Variants in SRCAP observed in about 807,000 individuals in gnomAD.
SRCAP encodes the protein chromatin remodeling protein SRCAP.
In SRCAP, 46 loss-of-function variants were observed where a neutral mutation model predicts 263.1. That is an observed-to-expected ratio of 0.17 (90% confidence interval 0.14 to 0.22). SRCAP has a LOEUF of 0.22. Among genes scored for constraint, SRCAP ranks in the 10% least tolerant of loss-of-function variants. SRCAP has a pLI of 1.00. For synonymous variants in SRCAP, 1,813 were observed against 1,662.1 expected (o/e 1.09, Z -2.21); for missense variants, 3,695 against 4,181.9 (o/e 0.88, Z 3.21).
At position 30,735,641 on chromosome 16, in the gene SRCAP, C is replaced by T. The variant is rs1452454609; in HGVS notation, c.6730-559C>T. 1.1e-4 allele frequency among the ~76,000 whole-genome samples: 14 copies of T among 122,616 alleles called. No individual in the cohort carries two copies. The East Asian group carries it at 2.5e-3, about 22-fold the overall frequency. 80.4% of individuals were successfully genotyped at this position (122,616 alleles called of 152,430 possible). ...TTTCGCCCAGGCTAGAGTGCAGTGG[C>T]GCGATCTCGGCTCACTACAGCCTCC... On this transcript the variant is annotated intron_variant, in intron 31 of 33. Coordinates refer to ENST00000262518, the MANE Select transcript of SRCAP (RefSeq NM_006662.3).
Position 30,733,549 on chromosome 16 carries a change from C to G in SRCAP, c.6298-53C>G, listed in dbSNP as rs879039976. The G allele has an allele frequency of 1.9e-6, 3 of 1,603,522 alleles. No individual in the cohort carries two copies. In the East Asian group the frequency reaches 6.7e-5, roughly 36 times the overall value. On this transcript the variant is annotated intron_variant, in intron 28 of 33. Coordinates refer to ENST00000262518, the MANE Select transcript of SRCAP (RefSeq NM_006662.3). The surrounding 1 kb of genome is among the most constrained non-coding windows in gnomAD (Gnocchi z 5.3). ...ACGGGGTGCCACTAAGCCTTTAGAC[C>G]TGTTTTGGGGGATAAGTCTCCCAGT...
chr16:30,736,915 C>T (rs1413711731), intron 33 of SRCAP, 134 bp from the exon 34 acceptor site: 25 of 1,021,736 alleles, frequency 2.4e-5, no homozygotes, highest in Non-Finnish European at 3.6e-5. Flanking sequence ...CTCAGGTGAC[C>T]TGCTGGCCTT....
rs1164675579 is a variant in SRCAP, at chr16:30,737,995, T to G, written c.7955T>G (p.Leu2652Arg). ...CTGTGTGTGAGTGAGAGCAATGGCCTGGAGCTCCCACCCTCAGCAGCATCT... is the reference window on the plus strand; with the variant it reads ...CTGTGTGTGAGTGAGAGCAATGGCCGGGAGCTCCCACCCTCAGCAGCATCT... ...LPLCVSESNG[L>R]ELPPSAASDE... The change falls in exon 34 of 34, where the codon CTG (leucine) becomes CGG (arginine). Residue 2652 changes from leucine (L) to arginine (R), a missense_variant. This residue lies in a region of SRCAP where 1,207 missense variants were observed against 1,142.9 expected (regional missense o/e 1.06). Coordinates refer to ENST00000262518, the MANE Select transcript of SRCAP (RefSeq NM_006662.3). 9 of 1,613,948 alleles carry G rather than the reference T, an allele frequency of 5.6e-6. No individual in the cohort carries two copies. The African/African-American group carries it at 1.1e-4, about 19-fold the overall frequency.
At position 30,737,148 on chromosome 16, in the gene SRCAP, A is replaced by C. The variant is rs779650461; in HGVS notation, c.7108A>C (p.Ser2370Arg). ...EEEGPGAGDE[S>R]SCGTGGGTHR... ...GGAGGGGCCGGGGGCTGGGGATGAG[A>C]GTTCCTGTGGGACTGGTGGAGGCAC... The change falls in exon 34 of 34, where the codon AGT becomes CGT. Residue 2370 changes from serine to arginine, a missense_variant. Ser to Arg is a moderately radical substitution (Grantham distance 110). Coordinates refer to ENST00000262518, the MANE Select transcript of SRCAP (RefSeq NM_006662.3). 1 of 1,613,972 alleles carries C rather than the reference A, an allele frequency of 6.2e-7. No homozygotes were observed. The highest frequency in any genetic ancestry group is 8.5e-7 in the Non-Finnish European group (1 of 1,179,950).
rs182718305 is a variant in SRCAP, at chr16:30,715,585, A to G, written c.2494-481A>G. Among the ~76,000 whole-genome samples, 58 of 151,964 alleles carry G rather than the reference A, an allele frequency of 3.8e-4. 1 individual carries two copies. The South Asian group carries it at 0.01, about 27-fold the overall frequency. Reference sequence around the variant, plus strand: ...GTATCAAAAAAAAAAAAAAAAGAAAACAGGAAGTCTTCCTTAACTATTACT... The same window carrying G: ...GTATCAAAAAAAAAAAAAAAAGAAAGCAGGAAGTCTTCCTTAACTATTACT... On this transcript the variant is annotated intron_variant, in intron 16 of 33. Coordinates refer to ENST00000262518, the MANE Select transcript of SRCAP (RefSeq NM_006662.3).
At position 30,713,603 on chromosome 16, in the gene SRCAP, T is replaced by C; in HGVS notation, c.2385T>C (p.His795=). ...CCTTGATGCACTTTTTGATGCCCCA[T>C]GTCTTCCAGTCTCATCGCGAGTTCA... is the stretch of plus-strand genomic sequence containing the variant. The part of the protein sequence containing the change: ...LWSLMHFLMP[H]VFQSHREFKE... The change falls in exon 16 of 34, where the codon CAT becomes CAC. Residue 795 remains histidine, a synonymous_variant. Coordinates refer to ENST00000262518, the MANE Select transcript of SRCAP (RefSeq NM_006662.3). 2.5e-6 allele frequency: 4 copies of C among 1,614,202 alleles called. No individual in the cohort carries two copies. The highest frequency in any genetic ancestry group is 3.4e-6 in the Non-Finnish European group (4 of 1,180,026).
At chr16:30,730,471 G>A (rs954163609) in intron 27 of SRCAP, among the ~76,000 whole-genome samples, 21 of 151,590 alleles carry the variant, frequency 1.4e-4, no homozygotes, top group Non-Finnish European at 1.5e-4. Context: ...TCACTCTGTC[G>A]CCCAGGCTGG....
At chr16:30,719,216 A>ATTT (rs1296990420) in intron 18 of SRCAP, among the ~76,000 whole-genome samples, 1 of 22,258 alleles carries the variant, frequency 4.5e-5, no homozygotes, top group South Asian at 2.9e-3. Flanking sequence ...TTATTTATTT[A>ATTT]TTTTTATTTT....
In SRCAP at chr16:30,703,493, C is replaced by CTA. The variant is rs1224133759; in HGVS notation, c.55-557_55-556dup. Among the ~76,000 whole-genome samples, 85 of 150,532 alleles carry CTA rather than the reference C, an allele frequency of 5.6e-4. No individual in the cohort carries two copies. In the East Asian group the frequency reaches 6.1e-3, roughly 11 times the overall value. On this transcript the variant is annotated intron_variant, in intron 3 of 33. Coordinates refer to ENST00000262518, the MANE Select transcript of SRCAP (RefSeq NM_006662.3). ...ACAAGCATGAGCCACCACCCCCGGCCTATATATATATATATTTTTAAGTTT... is the reference window on the plus strand; with the variant it reads ...ACAAGCATGAGCCACCACCCCCGGCCTATATATATATATATATTTTTAAGTTT...
chr16:30,709,970 C>A lies in SRCAP; in HGVS notation c.976C>A (p.Arg326Ser), dbSNP rs1274521648. The A allele has an allele frequency of 6.2e-7, 1 of 1,614,150 alleles. No homozygotes were observed. The highest frequency in any genetic ancestry group is 1.7e-5 in the Admixed American group (1 of 60,020). ...AQRREIELLR[R>S]EGELPLEELL... ...GAGGCGTGAGATTGAGCTGCTTCGC[C>A]GTGAGGGAGAATTGCCACTGGAAGA... is the stretch of plus-strand genomic sequence containing the variant. The change falls in exon 8 of 34, where the codon CGT (arginine) becomes AGT (serine). Residue 326 changes from arginine (R) to serine (S), a missense_variant. Transcript: ENST00000262518.
At position 30,704,297 on chromosome 16, in the gene SRCAP, T is replaced by G; in HGVS notation, c.288T>G (p.Ile96Met). The change falls in exon 4 of 34, where the codon ATT becomes ATG. Residue 96 changes from isoleucine to methionine, a missense_variant. Physicochemically the swap from Ile to Met is conservative, Grantham distance 10. Around this residue, in one of 12 missense-constraint regions of SRCAP, gnomAD observed 107 missense variants for 223.8 expected, o/e 0.48. Transcript: ENST00000262518. ...AGTGGGAGAAGAGCCATGCCGAAAT[T>G]GCAGAACAGGCCAAGCATGTACGTA... The part of the protein sequence containing the change: ...GPKWEKSHAE[I>M]AEQAKHEAEI... 1 of 1,611,802 alleles carries G rather than the reference T, an allele frequency of 6.2e-7. No individual in the cohort carries two copies. Among genetic ancestry groups the G allele is most frequent in the Non-Finnish European group, 8.5e-7 (1 of 1,178,300 alleles).
rs186862975 is a variant in SRCAP at position 30,705,308 on chromosome 16, G to T, written c.306+993G>T. ...GTGAGACTCTGTCTCAAAAAAAAAT[G>T]CAAATTCTTGGTACCTCTCACCCAC... On this transcript the variant is annotated intron_variant, in intron 4 of 33. Transcript: ENST00000262518. 6.2e-3 allele frequency among the ~76,000 whole-genome samples: 951 copies of T among 152,244 alleles called. 3 individuals are homozygous for T. Among genetic ancestry groups the T allele is most frequent in the Non-Finnish European group, 9.8e-3 (664 of 68,002 alleles).
rs1460187748 is a variant in SRCAP at position 30,736,996 on chromosome 16, A to T, written c.7009-53A>T. ...ACCTGGAAGCTGCTAATTTCTACTC[A>T]CTCTCTACTCTGCTTGCCTCCTCCT... On this transcript the variant is annotated intron_variant, in intron 33 of 33. Coordinates refer to ENST00000262518, the MANE Select transcript of SRCAP (RefSeq NM_006662.3). The T allele has an allele frequency of 1.3e-5, 19 of 1,515,570 alleles. 2 individuals carry two copies. In the South Asian group the frequency reaches 1.7e-4, roughly 14 times the overall value. The allele number at this position is 1,515,570 out of a possible 1,614,324, so 93.9% of individuals were successfully genotyped here. A position where few individuals can be genotyped will look rare whatever the true frequency, so the allele number is the denominator to read the frequency against.
Position 30,737,923 on chromosome 16 carries a change from C to T in SRCAP, c.7883C>T (p.Ala2628Val). The T allele has an allele frequency of 3.7e-6, 6 of 1,614,206 alleles. No homozygotes were observed. The highest frequency in any genetic ancestry group is 5.1e-6 in the Non-Finnish European group (6 of 1,180,042). The stretch of plus-strand genomic sequence containing the variant: ...CAAGAGCAGGAGGCACCAGATTCTG[C>T]TGAGGGGACCACCCTTACAGTGCTG... ...NGQEQEAPDS[A>V]EGTTLTVLPE... The change falls in exon 34 of 34, where the codon GCT becomes GTT. Residue 2628 changes from alanine (A) to valine (V), a missense_variant. Coordinates refer to ENST00000262518, the MANE Select transcript of SRCAP (RefSeq NM_006662.3).
intron 22 of SRCAP, 44 bp downstream of exon 22, chr16:30,722,330 C>G: frequency 6.3e-7 from 1 of 1,587,470 alleles, no homozygotes; most frequent in Non-Finnish European, 8.6e-7. Flanking sequence ...CCTCCTCTTC[C>G]CTGTCTCTTT....
chr16:30,730,592 C>T (rs150619891), intron 27 of SRCAP, among the ~76,000 whole-genome samples: 92 of 151,738 alleles, frequency 6.1e-4, no homozygotes, highest in Non-Finnish European at 8.5e-4. Context: ...CCACCACACC[C>T]GGCTAATTTT....
Position 30,738,157 on chromosome 16 carries a change from C to T in SRCAP, c.8117C>T (p.Ser2706Leu). ...GTTGCAGCTCCATCCACCTCATCTTCAGCCACTTCCTCGCCTGAGGGTCCT... is the reference window on the plus strand; with the variant it reads ...GTTGCAGCTCCATCCACCTCATCTTTAGCCACTTCCTCGCCTGAGGGTCCT... Reference protein sequence around the residue: ...AEVAAPSTSSSATSSPEGPSP... With the variant: ...AEVAAPSTSSLATSSPEGPSP... The change falls in exon 34 of 34, where the codon TCA (serine) becomes TTA (leucine). Residue 2706 changes from serine (S) to leucine (L), a missense_variant. Ser to Leu is a moderately radical substitution (Grantham distance 145). This residue lies in a region of SRCAP where 1,207 missense variants were observed against 1,142.9 expected (regional missense o/e 1.06). Coordinates refer to ENST00000262518, the MANE Select transcript of SRCAP (RefSeq NM_006662.3). 6.2e-7 allele frequency: 1 copy of T among 1,614,216 alleles called. No individual in the cohort carries two copies. Among genetic ancestry groups the T allele is most frequent in the Non-Finnish European group, 8.5e-7 (1 of 1,180,046 alleles).
In SRCAP at chr16:30,724,943, G is replaced by A. The variant is rs759792356; in HGVS notation, c.5519G>A (p.Arg1840Gln). 2.0e-5 allele frequency: 32 copies of A among 1,614,020 alleles called. No individual in the cohort carries two copies. The highest frequency in any genetic ancestry group is 6.7e-5 in the East Asian group (3 of 44,890). Residue 1840 changes from arginine (R) to glutamine (Q), a missense_variant, in exon 25 of 34, where the codon CGG (arginine) becomes CAG (glutamine). Arg to Gln is a conservative substitution (Grantham distance 43). This residue lies in a region of SRCAP where 1,347 missense variants were observed against 1,304.4 expected (regional missense o/e 1.03). Coordinates refer to ENST00000262518, the MANE Select transcript of SRCAP (RefSeq NM_006662.3). The part of the protein sequence containing the change: ...AAPLPVTMVS[R>Q]LPVSKDEPDT... The stretch of plus-strand genomic sequence containing the variant: ...CCCTTGCCTGTCACCATGGTATCCC[G>A]GCTGCCTGTTTCCAAGGATGAGCCT...
intron 25 of SRCAP, among the ~76,000 whole-genome samples, chr16:30,726,453 T>C (rs1229290164): frequency 6.6e-6 from 1 of 152,140 alleles, no homozygotes; most frequent in East Asian, 1.9e-4. Flanking sequence ...TTTTCCAAAG[T>C]GGCTGCAGCA....
Sources: gnomAD v4.1 joint callset for allele counts (sites outside exome capture counted in the v4.1 genomes callset) on GRCh38, gnomAD v4.1.1 for gene constraint, gnomAD v4.1.1 regional missense constraint, Gnocchi (gnomAD v3.1) non-coding constraint, MANE v1.5 for transcripts, NCBI Gene and HGNC (gene_info 2026-07-23, HGNC 2026-07-21) for gene names.